SLC36A1: variants seen among roughly 807,000 people sequenced by gnomAD.
The protein encoded by SLC36A1 is proton-coupled amino acid transporter 1.
Under a neutral mutation model 47.5 loss-of-function variants are expected in SLC36A1, and 30 were observed. That is an observed-to-expected ratio of 0.63 (90% CI 0.47 to 0.86). The LOEUF (loss-of-function observed/expected upper bound fraction) is 0.86, where lower values mean the gene tolerates loss of function less well. SLC36A1 is among the 40% of genes least tolerant of loss of function. SLC36A1 has a pLI of 0.00. For synonymous variants in SLC36A1, 255 were observed against 249.7 expected, an observed-to-expected ratio of 1.02 and a Z score of -0.20; for missense variants, 517 against 606.0, an observed-to-expected ratio of 0.85 and a Z score of 1.54.
chr5:151,539,595 G>C, the SLC36A1 span, among the ~76,000 whole-genome samples: 1 of 152,162 alleles, frequency 6.6e-6, no homozygotes, highest in Non-Finnish European at 1.5e-5. Context: ...TATATATACT[G>C]AATGGCTGGA....
the SLC36A1 span, among the ~76,000 whole-genome samples, chr5:151,428,278 G>T: frequency 6.6e-6 from 1 of 152,176 alleles, no homozygotes; most frequent in African/African-American, 2.4e-5. Flanking sequence ...AGGATGAGAT[G>T]ACCTCCATGG....
At chr5:151,509,311 G>A in the SLC36A1 span, 1 of 152,248 alleles carries the variant, frequency 6.6e-6, no homozygotes, top group Non-Finnish European at 1.5e-5. Context: ...TAGGGCTGGG[G>A]AAATCTCTAA....
the SLC36A1 span, among the ~76,000 whole-genome samples, chr5:151,384,989 T>TGG: frequency 1.2e-4 from 10 of 86,854 alleles, no homozygotes; most frequent in African/African-American, 5.3e-4. Flanking sequence ...TGTGTGTGGG[T>TGG]GTGTGAGAGA....
the SLC36A1 span, chr5:151,512,542 G>T: frequency 6.2e-7 from 1 of 1,614,158 alleles, no homozygotes; most frequent in South Asian, 1.1e-5. This position sits in a 1 kb window ranked among gnomAD's most constrained non-coding sequence, Gnocchi z 4.1. Context: ...ATGGCGCTGG[G>T]AGGAAAGGTT....
chr5:151,354,495 C>G, the SLC36A1 span, among the ~76,000 whole-genome samples: 1 of 152,170 alleles, frequency 6.6e-6, no homozygotes, highest in Non-Finnish European at 1.5e-5. Flanking sequence ...TCTTTGTACT[C>G]TCTGTGTTTC....
the SLC36A1 span, chr5:151,511,240 A>C: frequency 1.3e-5 from 2 of 152,182 alleles, no homozygotes; most frequent in Non-Finnish European, 2.9e-5. Context: ...AAATCAGAAA[A>C]AGGGGTAATG....
chr5:151,355,036 C>A, the SLC36A1 span, among the ~76,000 whole-genome samples: 2 of 152,154 alleles, frequency 1.3e-5, no homozygotes, highest in African/African-American at 4.8e-5. Context: ...CGAGGAAAAA[C>A]ACATTAAAAT....
intron 1 of SLC36A1, among the ~76,000 whole-genome samples, chr5:151,437,697 TATAAAC>T (rs1283626325): frequency 6.6e-6 from 1 of 152,208 alleles, no homozygotes; most frequent in Non-Finnish European, 1.5e-5. Context: ...TTAATAATGA[TATAAAC>T]ATAAAGCTAC....
At chr5:151,482,001 T>C (rs941837274) in intron 10 of SLC36A1, among the ~76,000 whole-genome samples, 4 of 152,170 alleles carry the variant, frequency 2.6e-5, no homozygotes, top group African/African-American at 9.7e-5. Flanking sequence ...TCTGTGTCAT[T>C]TGCCATGTGA....
At chr5:151,484,801 C>A (rs1759300454) in intron 10 of SLC36A1, among the ~76,000 whole-genome samples, 1 of 152,156 alleles carries the variant, frequency 6.6e-6, no homozygotes, top group South Asian at 2.1e-4. Flanking sequence ...AGGTAACTAG[C>A]CACTGAGTGG....
At chr5:151,418,518 T>C in the SLC36A1 span, among the ~76,000 whole-genome samples, 1 of 152,200 alleles carries the variant, frequency 6.6e-6, no homozygotes, top group Admixed American at 6.5e-5. Flanking sequence ...TTCAGAGCTT[T>C]AAGGTTTGAC....
the SLC36A1 span, among the ~76,000 whole-genome samples, chr5:151,346,617 C>T: frequency 6.6e-6 from 1 of 152,322 alleles, no homozygotes; most frequent in East Asian, 1.9e-4. Context: ...CCACACCCCA[C>T]ACCTTTTGTT....
intron 10 of SLC36A1, 178 bp downstream of exon 10, chr5:151,479,667 T>A (rs978596295): frequency 3.0e-5 from 19 of 627,302 alleles, no homozygotes; most frequent in African/African-American, 2.8e-4. Context: ...AGTGAATTAA[T>A]TACATATGTA....
the SLC36A1 span, among the ~76,000 whole-genome samples, chr5:151,401,031 C>G: frequency 6.6e-6 from 1 of 152,010 alleles, no homozygotes; most frequent in Non-Finnish European, 1.5e-5. Context: ...AATTAGGTCT[C>G]ACTTGTCAAT....
chr5:151,547,677 T>TA, the SLC36A1 span, among the ~76,000 whole-genome samples: 3 of 152,212 alleles, frequency 2.0e-5, no homozygotes, highest in Non-Finnish European at 2.9e-5. Context: ...GTAGCCGTTT[T>TA]AAAGTGATTC....
chr5:151,392,751 A>C, the SLC36A1 span, among the ~76,000 whole-genome samples: 2 of 152,192 alleles, frequency 1.3e-5, no homozygotes, highest in African/African-American at 4.8e-5. Context: ...GTTTGATTGC[A>C]CTGTGGTCTG....
chr5:151,367,457 C>T, the SLC36A1 span, among the ~76,000 whole-genome samples: 1 of 150,640 alleles, frequency 6.6e-6, no homozygotes, highest in Non-Finnish European at 1.5e-5. Context: ...TTTATAGGCT[C>T]TGTGCAAGAA....
chr5:151,383,127 G>T, the SLC36A1 span, among the ~76,000 whole-genome samples: 11 of 152,142 alleles, frequency 7.2e-5, no homozygotes, highest in Non-Finnish European at 1.2e-4. Context: ...CCCAAGTTGA[G>T]TATGTACAGG....
intron 7 of SLC36A1, among the ~76,000 whole-genome samples, chr5:151,471,822 GT>G (rs1207258474): frequency 2.0e-5 from 3 of 152,164 alleles, no homozygotes; most frequent in Admixed American, 2.0e-4. Flanking sequence ...TCTGAAGCCT[GT>G]TAAGAGCATG....
Sources: gnomAD v4.1 joint callset for allele counts (sites outside exome capture counted in the v4.1 genomes callset) on GRCh38, gnomAD v4.1.1 for gene constraint, Gnocchi (gnomAD v3.1) non-coding constraint, MANE v1.5 for transcripts, NCBI Gene and HGNC (gene_info 2026-07-23, HGNC 2026-07-21) for gene names.